CD2AP: variants seen among roughly 807,000 people sequenced by gnomAD.
CD2AP encodes CD2-associated protein.
Under a neutral mutation model 85.1 loss-of-function variants are expected in CD2AP, and 46 were observed. The observed-to-expected ratio is 0.54, with a 90% CI of 0.43 to 0.69. CD2AP has a LOEUF of 0.69. CD2AP is among the 30% of genes least tolerant of loss of function. CD2AP has a pLI of 0.00. For synonymous variants in CD2AP, 255 were observed against 252.9 expected, an observed-to-expected ratio of 1.01 and a Z score of -0.08; for missense variants, 769 against 729.5, an observed-to-expected ratio of 1.05 and a Z score of -0.62.
At chr6:47,499,123 A>G (rs530687988) in intron 1 of CD2AP, among the ~76,000 whole-genome samples, 233 of 152,302 alleles carry the variant, frequency 1.5e-3, no homozygotes, top group African/African-American at 5.4e-3. Context: ...TGGCACAACA[A>G]AATGTTCCAG....
intron 1 of CD2AP, among the ~76,000 whole-genome samples, chr6:47,495,511 T>G (rs1318084579): frequency 6.6e-6 from 1 of 152,224 alleles, no homozygotes; most frequent in African/African-American, 2.4e-5. Context: ...TGTGATGGTT[T>G]GTTACAACTG....
intron 2 of CD2AP, among the ~76,000 whole-genome samples, chr6:47,505,902 A>ACC (rs771290790): frequency 2.5e-4 from 14 of 56,828 alleles, no homozygotes; most frequent in East Asian, 1.3e-3. Flanking sequence ...CGGGGGGCTG[A>ACC]CCCCCCCCAC....
At chr6:47,584,967 C>T (rs1279643068) in intron 11 of CD2AP, among the ~76,000 whole-genome samples, 3 of 151,920 alleles carry the variant, frequency 2.0e-5, no homozygotes, top group Non-Finnish European at 2.9e-5. Flanking sequence ...TAGTGACTTC[C>T]CCTTTTCCCT....
chr6:47,513,883 AT>A (rs1180901076), intron 2 of CD2AP, among the ~76,000 whole-genome samples: 37 of 136,322 alleles, frequency 2.7e-4, no homozygotes, highest in African/African-American at 6.6e-4. Context: ...TTTAAAAAAA[AT>A]TTTTTTTTGG....
intron 5 of CD2AP, among the ~76,000 whole-genome samples, chr6:47,565,231 A>G (rs988470226): frequency 2.0e-5 from 3 of 152,266 alleles, no homozygotes; most frequent in African/African-American, 7.2e-5. Flanking sequence ...AGTGGTTTCT[A>G]TATAAAAGTC....
intron 5 of CD2AP, among the ~76,000 whole-genome samples, chr6:47,567,430 A>G (rs1186566861): frequency 6.6e-6 from 1 of 152,186 alleles, no homozygotes; most frequent in East Asian, 1.9e-4. Flanking sequence ...TGTATTGTAC[A>G]AAGTCCTGGG....
In CD2AP at chr6:47,625,779, C is replaced by A. The variant is rs1001535764; in HGVS notation, c.*1552C>A. 5 of 151,492 alleles carry A rather than the reference C, an allele frequency of 3.3e-5. No homozygotes were observed. The highest frequency in any genetic ancestry group is 1.2e-4 in the African/African-American group (5 of 41,270). 9.4% of individuals were successfully genotyped at this position (151,492 alleles called of 1,614,324 possible). A position where few individuals can be genotyped will look rare whatever the true frequency, so the allele number is the denominator to read the frequency against. On this transcript the variant is annotated 3_prime_UTR_variant, in exon 18 of 18. Coordinates refer to ENST00000359314, the MANE Select transcript of CD2AP (RefSeq NM_012120.3). ...AGAACTGAAGTAGAAAATAGAAATG[C>A]CAGTAAACAACATAATGTTTAATTT...
chr6:47,517,746 T>G (rs1766490594), intron 2 of CD2AP, among the ~76,000 whole-genome samples: 1 of 152,176 alleles, frequency 6.6e-6, no homozygotes, highest in South Asian at 2.1e-4. Flanking sequence ...GTTTAGGTAT[T>G]TAGACTTTGG....
At chr6:47,485,064 T>C (rs1157853105) in intron 1 of CD2AP, among the ~76,000 whole-genome samples, 1 of 152,210 alleles carries the variant, frequency 6.6e-6, no homozygotes, top group East Asian at 1.9e-4. Context: ...TGTATAAAAG[T>C]ATAGCATGTA....
Position 47,587,867 on chromosome 6 carries a change from C to G in CD2AP, c.1108+5802C>G, listed in dbSNP as rs570000808. Among the ~76,000 whole-genome samples the G allele has an allele frequency of 7.9e-5, 12 of 152,262 alleles. No homozygotes were observed. In the South Asian group the frequency reaches 2.5e-3, roughly 32 times the overall value. ...GCATAAAATGGTGCTGAAGGCCAGT[C>G]TGGTTCTATACTTTCACTGGTAGAA... is the stretch of plus-strand genomic sequence containing the variant. On this transcript the variant is annotated intron_variant, in intron 11 of 17. Transcript: ENST00000359314.
intron 2 of CD2AP, among the ~76,000 whole-genome samples, chr6:47,531,368 A>G (rs1314312156): frequency 6.6e-6 from 1 of 151,990 alleles, no homozygotes; most frequent in African/African-American, 2.4e-5. Context: ...TGAAAGAAAA[A>G]ACATTTATTC....
Position 47,609,104 on chromosome 6 carries a change from T to A in CD2AP, c.1633-19T>A, listed in dbSNP as rs1769353972. On this transcript the variant is annotated intron_variant, in intron 15 of 17. Coordinates refer to ENST00000359314, the MANE Select transcript of CD2AP (RefSeq NM_012120.3). ...TATAATATTAAATAAAATCAGAAATTTTTTTTTTACGTTTTCAGCCATCTG... is the reference window on the plus strand; with the variant it reads ...TATAATATTAAATAAAATCAGAAATATTTTTTTTACGTTTTCAGCCATCTG... 1.9e-6 allele frequency: 3 copies of A among 1,568,108 alleles called. No individual in the cohort carries two copies. The highest frequency in any genetic ancestry group is 1.4e-5 in the African/African-American group (1 of 72,534).
chr6:47,598,184 C>T (rs558633694), intron 12 of CD2AP, among the ~76,000 whole-genome samples: 15 of 151,108 alleles, frequency 9.9e-5, no homozygotes, highest in African/African-American at 3.4e-4. Flanking sequence ...GAATACAAAT[C>T]AAAACCGCAA....
At chr6:47,547,163 C>CA (rs1767385306) in intron 4 of CD2AP, among the ~76,000 whole-genome samples, 2 of 151,998 alleles carry the variant, frequency 1.3e-5, no homozygotes. Context: ...ATATAGGCAA[C>CA]AAATACCATG....
intron 3 of CD2AP, among the ~76,000 whole-genome samples, chr6:47,537,645 T>C (rs1162502615): frequency 6.6e-6 from 1 of 152,194 alleles, no homozygotes; most frequent in East Asian, 1.9e-4. Context: ...GATCACATTA[T>C]CTTTTTCTTC....
At position 47,595,983 on chromosome 6, in the gene CD2AP, A is replaced by G. The variant is rs1323153426; in HGVS notation, c.1231A>G (p.Lys411Glu). 1 of 1,612,828 alleles carries G rather than the reference A, an allele frequency of 6.2e-7. No individual in the cohort carries two copies. Among genetic ancestry groups the G allele is most frequent in the East Asian group, 2.2e-5 (1 of 44,816 alleles). Residue 411 changes from lysine to glutamate, a missense_variant, in exon 12 of 18, where the codon AAG becomes GAG. By Grantham distance (56) the Lys-to-Glu change is moderately conservative. Coordinates refer to ENST00000359314, the MANE Select transcript of CD2AP (RefSeq NM_012120.3). Reference protein sequence around the residue: ...LLRSSGTVYPKRPEKPVPPPP... With the variant: ...LLRSSGTVYPERPEKPVPPPP... ...GAGATCTTCTGGAACAGTGTACCCA[A>G]AGCGACCTGAAAAACCAGTTCCTCC...
At chr6:47,511,263 A>G (rs1185681030) in intron 2 of CD2AP, among the ~76,000 whole-genome samples, 1 of 152,130 alleles carries the variant, frequency 6.6e-6, no homozygotes, top group East Asian at 1.9e-4. Context: ...AAAGTCCATG[A>G]TCCTGGCTGG....
intron 1 of CD2AP, among the ~76,000 whole-genome samples, chr6:47,481,901 A>C (rs1190056889): frequency 2.0e-5 from 3 of 152,154 alleles, no homozygotes; most frequent in African/African-American, 7.2e-5. Flanking sequence ...CCAGGGCTAC[A>C]GGTGCACACT....
At chr6:47,505,426 CTCTTTCTACACA>C (rs1766114797) in intron 2 of CD2AP, among the ~76,000 whole-genome samples, 2 of 150,546 alleles carry the variant, frequency 1.3e-5, no homozygotes, top group Admixed American at 1.3e-4. Context: ...CCATGTCTAC[CTCTTTCTACACA>C]GACACGGCAA....
Sources: gnomAD v4.1 joint callset for allele counts (sites outside exome capture counted in the v4.1 genomes callset) on GRCh38, gnomAD v4.1.1 for gene constraint, MANE v1.5 for transcripts, NCBI Gene and HGNC (gene_info 2026-07-23, HGNC 2026-07-21) for gene names.